Variants in LRMDA observed in about 807,000 individuals in gnomAD.
The protein encoded by LRMDA is leucine rich melanocyte differentiation associated, also known as leucine-rich melanocyte differentiation-associated protein.
LRMDA carries 18 observed loss-of-function variants against 29.8 expected under a neutral mutation model. That is an observed-to-expected ratio of 0.60 (90% CI 0.42 to 0.90). The LOEUF is 0.90. Ranked by LOEUF, LRMDA falls within the 40% of genes least tolerant of loss-of-function variation. The pLI is 0.00. For missense variants in LRMDA, 273 were observed against 273.9 expected (o/e 1.00, Z 0.02); for synonymous variants, 125 against 109.4 (o/e 1.14, Z -0.89).
chr10:76,036,210 T>G, intron 3 of LRMDA, 76 bp downstream of exon 3: 2 of 1,292,908 alleles, frequency 1.5e-6, no homozygotes, highest in Middle Eastern at 2.8e-4. Context: ...CCTGCACAAA[T>G]ACCTGCAAAA....
intron 2 of LRMDA, among the ~76,000 whole-genome samples, chr10:75,483,528 A>C (rs1036455053): frequency 6.6e-6 from 1 of 152,172 alleles, no homozygotes; most frequent in Non-Finnish European, 1.5e-5. Flanking sequence ...AAGTGATTTG[A>C]CCTTCTTGAC....
At chr10:75,991,146 T>A (rs1847361450) in intron 2 of LRMDA, among the ~76,000 whole-genome samples, 1 of 152,128 alleles carries the variant, frequency 6.6e-6, no homozygotes, top group Admixed American at 6.5e-5. Flanking sequence ...CAGAGCAGGA[T>A]TGGAAAATAC....
chr10:76,347,979 T>C (rs561143769), intron 6 of LRMDA, among the ~76,000 whole-genome samples: 1 of 152,304 alleles, frequency 6.6e-6, no homozygotes, highest in East Asian at 1.9e-4. Context: ...AATGTTTGCA[T>C]GCTTCTTCCC....
intron 2 of LRMDA, among the ~76,000 whole-genome samples, chr10:75,653,949 T>C (rs1841634254): frequency 6.6e-6 from 1 of 152,246 alleles, no homozygotes; most frequent in Non-Finnish European, 1.5e-5. Context: ...AAGAAATTTG[T>C]AGTTGTCCAG....
chr10:75,958,192 A>G (rs1846697885), intron 2 of LRMDA, among the ~76,000 whole-genome samples: 1 of 152,158 alleles, frequency 6.6e-6, no homozygotes, highest in Admixed American at 6.5e-5. Flanking sequence ...AGCAGCCCCA[A>G]GGGCTGCTTC....
At chr10:76,137,937 A>G (rs1203954843) in intron 5 of LRMDA, among the ~76,000 whole-genome samples, 1 of 152,138 alleles carries the variant, frequency 6.6e-6, no homozygotes, top group Admixed American at 6.6e-5. Flanking sequence ...TTAGGAACAG[A>G]AGGAAGAACT....
intron 5 of LRMDA, among the ~76,000 whole-genome samples, chr10:76,066,249 A>T (rs1330432885): frequency 6.6e-6 from 1 of 152,232 alleles, no homozygotes; most frequent in African/African-American, 2.4e-5. Flanking sequence ...GGGCCAGTCT[A>T]GAGGTCAACT....
intron 6 of LRMDA, among the ~76,000 whole-genome samples, chr10:76,479,533 C>G (rs1168650396): frequency 1.3e-5 from 2 of 151,778 alleles, no homozygotes; most frequent in Non-Finnish European, 2.9e-5. Flanking sequence ...GGCTAGGGAG[C>G]CTTTAATGTC....
intron 6 of LRMDA, among the ~76,000 whole-genome samples, chr10:76,353,257 G>A (rs1298935652): frequency 6.6e-6 from 1 of 151,858 alleles, no homozygotes; most frequent in African/African-American, 2.4e-5. Context: ...CATTCCCTAA[G>A]AACTTTTTTT....
chr10:75,856,082 T>G (rs1844821162), intron 2 of LRMDA, among the ~76,000 whole-genome samples: 1 of 152,066 alleles, frequency 6.6e-6, no homozygotes, highest in Non-Finnish European at 1.5e-5. Context: ...TTTTAAGGAG[T>G]TTTTTCCAAT....
At chr10:76,040,570 T>TTCTCTC (rs145651283) in intron 3 of LRMDA, among the ~76,000 whole-genome samples, 1 of 145,720 alleles carries the variant, frequency 6.9e-6, no homozygotes. Flanking sequence ...CTCACACTCT[T>TTCTCTC]TCTCTCTCTC....
At chr10:75,638,531 G>A (rs969970469) in intron 2 of LRMDA, among the ~76,000 whole-genome samples, 2 of 151,938 alleles carry the variant, frequency 1.3e-5, no homozygotes, top group African/African-American at 2.4e-5. Context: ...TTCTTCTCTC[G>A]CTCTGCTTCC....
intron 2 of LRMDA, among the ~76,000 whole-genome samples, chr10:76,002,539 C>G (rs1163755577): frequency 1.3e-5 from 2 of 152,162 alleles, no homozygotes; most frequent in Non-Finnish European, 2.9e-5. Context: ...TGTAGGGTTG[C>G]TATTTGCATT....
chr10:76,202,414 G>A (rs1175845124), intron 5 of LRMDA, among the ~76,000 whole-genome samples: 1 of 152,128 alleles, frequency 6.6e-6, no homozygotes, highest in African/African-American at 2.4e-5. Flanking sequence ...TTGAAAGATT[G>A]TCCTTAGTCA....
At chr10:76,294,835 G>A (rs181289110) in intron 5 of LRMDA, among the ~76,000 whole-genome samples, 4 of 152,312 alleles carry the variant, frequency 2.6e-5, no homozygotes, top group East Asian at 1.9e-4. Flanking sequence ...ATATACCAGC[G>A]TAGACTATAG....
intron 2 of LRMDA, among the ~76,000 whole-genome samples, chr10:75,986,099 A>G (rs1847258187): frequency 6.6e-6 from 1 of 152,212 alleles, no homozygotes; most frequent in African/African-American, 2.4e-5. Flanking sequence ...GCTAGAACCT[A>G]TTATTTTGGA....
chr10:76,531,650 G>A (rs1428188742), intron 6 of LRMDA, among the ~76,000 whole-genome samples: 2 of 152,076 alleles, frequency 1.3e-5, no homozygotes, highest in Non-Finnish European at 2.9e-5. Context: ...TGGTCATGAT[G>A]TATTCTACTT....
intron 1 of LRMDA, 105 bp downstream of exon 1, chr10:75,431,859 A>G (rs1844202451): frequency 2.4e-5 from 27 of 1,126,730 alleles, no homozygotes; most frequent in South Asian, 3.7e-5. Context: ...TCCCCGCCTC[A>G]GGGGGCTGCG....
At chr10:75,872,986 T>C (rs562615904) in intron 2 of LRMDA, among the ~76,000 whole-genome samples, 1 of 152,288 alleles carries the variant, frequency 6.6e-6, no homozygotes, top group Admixed American at 6.5e-5. Flanking sequence ...TAAATATCTG[T>C]TGGAATGAAT....
Sources: allele counts gnomAD v4.1 joint callset (sites outside exome capture counted in the v4.1 genomes callset), GRCh38; gene constraint gnomAD v4.1.1; transcripts MANE v1.5; gene names NCBI Gene and HGNC (gene_info 2026-07-23, HGNC 2026-07-21).